Variants in MDN1 observed in about 807,000 individuals in gnomAD.
The protein encoded by MDN1 is midasin.
In MDN1, 266 loss-of-function variants were observed where a neutral mutation model predicts 669.2. The observed-to-expected ratio is 0.40, with a 90% CI of 0.36 to 0.44. The LOEUF is 0.44. Among genes scored for constraint, MDN1 ranks in the 20% least tolerant of loss-of-function variants. The probability of loss-of-function intolerance (pLI) is 1.00; values close to 1 mark genes in which losing one functional copy is unlikely to be tolerated. For missense variants in MDN1, 5,940 were observed against 6,754.0 expected, an observed-to-expected ratio of 0.88 and a Z score of 4.22; for synonymous variants, 2,385 against 2,457.1, an observed-to-expected ratio of 0.97 and a Z score of 0.87.
intron 1 of MDN1, among the ~76,000 whole-genome samples, chr6:89,811,389 C>T (rs537758213): frequency 6.6e-6 from 1 of 151,902 alleles, no homozygotes; most frequent in Non-Finnish European, 1.5e-5. Context: ...AGCTGGCTTG[C>T]TATTGTAGGA....
chr6:89,762,750 T>C (rs1817620505), intron 15 of MDN1, among the ~76,000 whole-genome samples: 1 of 152,166 alleles, frequency 6.6e-6, no homozygotes, highest in African/African-American at 2.4e-5. Context: ...TATTATTAGA[T>C]AAACAGTGTT....
intron 62 of MDN1, among the ~76,000 whole-genome samples, chr6:89,693,685 GA>G (rs1383426377): frequency 1.3e-5 from 2 of 151,750 alleles, no homozygotes; most frequent in African/African-American, 2.4e-5. Context: ...AAAATCTGAA[GA>G]AAAAAAACGA....
chr6:89,781,592 C>T lies in MDN1; in HGVS notation c.1450G>A (p.Val484Ile). ...DNLDKRELNE[V>I]LQSRYPSLLA... ...AGGCTAGGATATCTGCTCTGAAGAACCTGACAGAGGGGGAAAAAAAAGAAA... is the reference window on the plus strand; with the variant it reads ...AGGCTAGGATATCTGCTCTGAAGAATCTGACAGAGGGGGAAAAAAAAGAAA... The change falls in exon 10 of 102, where the codon GTT becomes ATT. Residue 484 changes from valine (V) to isoleucine (I), a missense_variant and splice_region_variant. Val to Ile is a conservative substitution (Grantham distance 29). This residue lies in a region of MDN1 where 1,203 missense variants were observed against 1,268.9 expected (regional missense o/e 0.95). Coordinates refer to ENST00000369393, the MANE Select transcript of MDN1 (RefSeq NM_014611.3). 2 of 1,569,990 alleles carry T rather than the reference C, an allele frequency of 1.3e-6. No individual in the cohort carries two copies. Among genetic ancestry groups the T allele is most frequent in the Non-Finnish European group, 1.7e-6 (2 of 1,157,310 alleles).
rs112633615 is a variant in MDN1, at chr6:89,783,833, T to C, written c.1449+1179A>G. On this transcript the variant is annotated intron_variant, in intron 9 of 101. Coordinates refer to ENST00000369393, the MANE Select transcript of MDN1 (RefSeq NM_014611.3). The stretch of plus-strand genomic sequence containing the variant: ...AATAGAAAGAACCTATGTTGTAATA[T>C]TGGGGGTGGGTTACCCCAATAGTGG... 3.5e-3 allele frequency among the ~76,000 whole-genome samples: 527 copies of C among 152,186 alleles called. 4 individuals are homozygous for C. The highest frequency in any genetic ancestry group is 0.012 in the African/African-American group (489 of 41,530).
intron 88 of MDN1, among the ~76,000 whole-genome samples, chr6:89,660,745 AATATAC>A (rs1324306162): frequency 6.6e-6 from 1 of 152,140 alleles, no homozygotes; most frequent in Non-Finnish European, 1.5e-5. Context: ...GCATTATAAA[AATATAC>A]ATATACATTT....
chr6:89,700,167 G>T lies in MDN1; in HGVS notation c.8766C>A (p.Ile2922=), dbSNP rs577099897. The part of the protein sequence containing the change: ...SLSHPDLTSV[I]HLTRSVQLWP... Reference sequence around the variant, plus strand: ...ACAACTGAACACTCCTGGTGAGGTGGATTACGGAGGTCAAGTCTGGATGGG... The same window carrying T: ...ACAACTGAACACTCCTGGTGAGGTGTATTACGGAGGTCAAGTCTGGATGGG... Residue 2922 remains isoleucine (I), a synonymous_variant, in exon 57 of 102, where the codon ATC becomes ATA. Coordinates refer to ENST00000369393, the MANE Select transcript of MDN1 (RefSeq NM_014611.3). 12 of 1,614,074 alleles carry T rather than the reference G, an allele frequency of 7.4e-6. No homozygotes were observed. Among genetic ancestry groups the T allele is most frequent in the Non-Finnish European group, 1.0e-5 (12 of 1,180,042 alleles).
At chr6:89,785,716 T>C (rs1818919804) in intron 8 of MDN1, among the ~76,000 whole-genome samples, 1 of 152,236 alleles carries the variant, frequency 6.6e-6, no homozygotes, top group Admixed American at 6.5e-5. Flanking sequence ...CAACTGTGAC[T>C]GAAAATGGCA....
At position 89,658,886 on chromosome 6, in the gene MDN1, T is replaced by C. The variant is rs1809523225; in HGVS notation, c.14745A>G (p.Pro4915=). The change falls in exon 89 of 102, where the codon CCA becomes CCG. Residue 4915 remains proline (P), a synonymous_variant. Coordinates refer to ENST00000369393, the MANE Select transcript of MDN1 (RefSeq NM_014611.3). ...CCTCAGCTTCATGACCTGCTTCTTC[T>C]GGTTTTTCTTTTATCTCCAAAGGAT... The part of the protein sequence containing the change: ...EENPLEIKEK[P]EEAGHEAEER... 2 of 1,612,592 alleles carry C rather than the reference T, an allele frequency of 1.2e-6. No individual in the cohort carries two copies. The highest frequency in any genetic ancestry group is 1.3e-5 in the African/African-American group (1 of 74,726).
intron 54 of MDN1, 44 bp from the exon 55 acceptor site, chr6:89,701,722 A>G: frequency 6.3e-7 from 1 of 1,598,778 alleles, no homozygotes. Context: ...GGAAAGGGGG[A>G]AATGCTAGAC....
intron 23 of MDN1, among the ~76,000 whole-genome samples, chr6:89,750,885 G>A (rs112061959): frequency 0.15 from 22,182 of 150,970 alleles, 1,895 homozygotes; most frequent in Non-Finnish European, 0.19. Context: ...TTACAGGCAT[G>A]AGCCACTGCA....
At chr6:89,699,119 C>A in intron 58 of MDN1, 84 bp from the exon 59 acceptor site, 1 of 1,235,848 alleles carries the variant, frequency 8.1e-7, no homozygotes, top group Admixed American at 2.6e-5. Flanking sequence ...TAAGGCCCAT[C>A]TAAAACTGTC....
chr6:89,750,121 C>T (rs1182194557), intron 24 of MDN1, among the ~76,000 whole-genome samples: 1 of 152,152 alleles, frequency 6.6e-6, no homozygotes, highest in Non-Finnish European at 1.5e-5. Context: ...AGTTCAATTC[C>T]CCTCTTGAAA....
chr6:89,809,836 A>AATATT (rs1328626516), intron 1 of MDN1, among the ~76,000 whole-genome samples: 1 of 148,264 alleles, frequency 6.7e-6, no homozygotes, highest in Non-Finnish European at 1.5e-5. Context: ...AATAAAATAA[A>AATATT]AAATTAGCCA....
chr6:89,691,971 ATAAATAT>A (rs1386326438), intron 63 of MDN1, among the ~76,000 whole-genome samples: 1 of 152,246 alleles, frequency 6.6e-6, no homozygotes, highest in Non-Finnish European at 1.5e-5. Context: ...ACAGCTACAG[ATAAATAT>A]TAATATATAT....
intron 92 of MDN1, 128 bp from the exon 93 acceptor site, chr6:89,654,462 A>G (rs1562038244): frequency 7.4e-6 from 9 of 1,211,820 alleles, no homozygotes; most frequent in Non-Finnish European, 1.0e-5. Context: ...GCCACTGACC[A>G]GCTATGTGGC....
chr6:89,662,340 C>T (rs1253431399), intron 86 of MDN1, 101 bp from the exon 87 acceptor site: 3 of 1,238,338 alleles, frequency 2.4e-6, no homozygotes, highest in African/African-American at 3.0e-5. Flanking sequence ...CCTATTGGAC[C>T]TATCCCATGG....
At chr6:89,750,302 T>A in intron 24 of MDN1, 52 bp downstream of exon 24, 1 of 1,498,064 alleles carries the variant, frequency 6.7e-7, no homozygotes, top group Non-Finnish European at 9.2e-7. Context: ...CTTAAGGAAA[T>A]GTGTGTGAAA....
At chr6:89,764,403 G>A (rs764372633) in intron 15 of MDN1, among the ~76,000 whole-genome samples, 2 of 152,036 alleles carry the variant, frequency 1.3e-5, no homozygotes, top group South Asian at 4.2e-4. Flanking sequence ...TCCAGAGTTC[G>A]ACACCACCGT....
chr6:89,676,510 G>C (rs1234066081), intron 76 of MDN1, among the ~76,000 whole-genome samples: 1 of 152,286 alleles, frequency 6.6e-6, no homozygotes, highest in Admixed American at 6.5e-5. Context: ...AATAACATAA[G>C]AGGACTAAGG....
Sources: gnomAD v4.1 joint callset for allele counts (sites outside exome capture counted in the v4.1 genomes callset) on GRCh38, gnomAD v4.1.1 for gene constraint, gnomAD v4.1.1 regional missense constraint, MANE v1.5 for transcripts, NCBI Gene and HGNC (gene_info 2026-07-23, HGNC 2026-07-21) for gene names.